Variants in SUPT20H observed in about 807,000 individuals in gnomAD.
The protein encoded by SUPT20H is transcription factor SPT20 homolog.
SUPT20H carries 82 observed loss-of-function variants against 122.8 expected under a neutral mutation model. The observed-to-expected ratio is 0.67, with a 90% CI of 0.56 to 0.80. The LOEUF (loss-of-function observed/expected upper bound fraction) is 0.80. Among genes scored for constraint, SUPT20H ranks in the 30% least tolerant of loss-of-function variants. SUPT20H has a pLI of 0.00. For missense variants in SUPT20H, 831 were observed against 921.6 expected, an observed-to-expected ratio of 0.90 and a Z score of 1.27; for synonymous variants, 291 against 313.0, an observed-to-expected ratio of 0.93 and a Z score of 0.74.
intron 10 of SUPT20H, 107 bp downstream of exon 10, chr13:37,033,342 C>G: frequency 7.2e-7 from 1 of 1,389,180 alleles, no homozygotes; most frequent in Non-Finnish European, 9.7e-7. Context: ...CTCTACCCTT[C>G]CCCACCAAAA....
chr13:37,036,327 G>GTTT (rs35437054), intron 9 of SUPT20H, among the ~76,000 whole-genome samples: 1 of 126,340 alleles, frequency 7.9e-6, no homozygotes, highest in Non-Finnish European at 1.8e-5. Context: ...TTAAACTGGA[G>GTTT]TTTTTTTTTT....
chr13:37,017,022 T>C (rs1011219302), intron 23 of SUPT20H, among the ~76,000 whole-genome samples: 2 of 152,202 alleles, frequency 1.3e-5, no homozygotes, highest in African/African-American at 4.8e-5. Context: ...AAGCCATTTA[T>C]CTGGATCTCA....
In SUPT20H at chr13:37,025,359, T is replaced by C; in HGVS notation, c.1290A>G (p.Ser430=). ...CTGGAGAAACCTGACTCAGACTGGC[T>C]GAGCCACTGGAGCTGTGTGACATCT... ...PVKMSHSSSG[S]ASLSQVSPGK... Residue 430 remains serine (S), a synonymous_variant, in exon 17 of 26, where the codon TCA becomes TCG. Coordinates refer to ENST00000350612, the MANE Select transcript of SUPT20H (RefSeq NM_001014286.3). 1 of 1,614,044 alleles carries C rather than the reference T, an allele frequency of 6.2e-7. No individual in the cohort carries two copies. The highest frequency in any genetic ancestry group is 8.5e-7 in the Non-Finnish European group (1 of 1,179,900).
intron 17 of SUPT20H, chr13:37,024,926 C>A: frequency 5.3e-6 from 1 of 190,252 alleles, no homozygotes; most frequent in South Asian, 8.9e-5. Flanking sequence ...AAACTGTACC[C>A]CCGCTCCTCA....
At chr13:37,014,376 T>G (rs750745637) in intron 23 of SUPT20H, among the ~76,000 whole-genome samples, 1 of 152,110 alleles carries the variant, frequency 6.6e-6, no homozygotes, top group African/African-American at 2.4e-5. Context: ...ACCTGAATGA[T>G]GCCATCAAAT....
At chr13:37,031,511 G>T (rs1451026412) in intron 12 of SUPT20H, 56 bp downstream of exon 12, 2 of 1,216,916 alleles carry the variant, frequency 1.6e-6, no homozygotes, top group South Asian at 1.8e-5. Context: ...ATAAGCAACC[G>T]AATAGTAAAA....
Position 37,028,137 on chromosome 13 carries a change from A to G in SUPT20H, c.1151+11T>C. On this transcript the variant is annotated intron_variant, in intron 14 of 25. Coordinates refer to ENST00000350612, the MANE Select transcript of SUPT20H (RefSeq NM_001014286.3). ...TTTTTTTTCCAGTTACTTGTATTTAACAGAACTCACTGTGATGGAGACATC... is the reference window on the plus strand; with the variant it reads ...TTTTTTTTCCAGTTACTTGTATTTAGCAGAACTCACTGTGATGGAGACATC... The G allele has an allele frequency of 1.9e-6, 3 of 1,577,012 alleles. No homozygotes were observed. Among genetic ancestry groups the G allele is most frequent in the Non-Finnish European group, 2.6e-6 (3 of 1,166,554 alleles).
chr13:37,048,252 T>C (rs527757456), intron 3 of SUPT20H, among the ~76,000 whole-genome samples: 1 of 152,308 alleles, frequency 6.6e-6, no homozygotes, highest in African/African-American at 2.4e-5. Context: ...AAAAATTGTA[T>C]ACTGTATACC....
At chr13:37,036,716 A>G (rs1438633664) in intron 9 of SUPT20H, among the ~76,000 whole-genome samples, 1 of 152,040 alleles carries the variant, frequency 6.6e-6, no homozygotes, top group African/African-American at 2.4e-5. Context: ...AGACAGCAAG[A>G]TGAACTTTTC....
At chr13:37,035,642 C>A (rs530731165) in intron 9 of SUPT20H, among the ~76,000 whole-genome samples, 1 of 151,894 alleles carries the variant, frequency 6.6e-6, no homozygotes, top group Non-Finnish European at 1.5e-5. Flanking sequence ...AATTGCTACT[C>A]GGCCTAAGCC....
Position 37,009,657 on chromosome 13 carries a change from A to G in SUPT20H, c.*15T>C, listed in dbSNP as rs2059236581. On this transcript the variant is annotated 3_prime_UTR_variant, in exon 26 of 26. Transcript: ENST00000350612. ...TCTTGTGTTTTTAAAAAAGGAACAA[A>G]AAGTAATGCAAGACTCAAAATTTTG... 6.2e-7 allele frequency: 1 copy of G among 1,612,602 alleles called. No individual in the cohort carries two copies. Among genetic ancestry groups the G allele is most frequent in the South Asian group, 1.1e-5 (1 of 90,630 alleles).
intron 7 of SUPT20H, among the ~76,000 whole-genome samples, chr13:37,042,000 T>C (rs961159848): frequency 2.0e-5 from 3 of 152,082 alleles, no homozygotes; most frequent in African/African-American, 7.2e-5. Flanking sequence ...GGGAATAACA[T>C]ATGAGAAGTT....
chr13:37,021,276 A>T (rs1435834669), intron 21 of SUPT20H, among the ~76,000 whole-genome samples, 172 bp downstream of exon 21: 1 of 152,240 alleles, frequency 6.6e-6, no homozygotes, highest in African/African-American at 2.4e-5. Context: ...CTGCTAGAAG[A>T]CTTTTAATTC....
chr13:37,048,196 T>C (rs529723551), intron 3 of SUPT20H, among the ~76,000 whole-genome samples: 2 of 152,282 alleles, frequency 1.3e-5, no homozygotes, highest in South Asian at 4.1e-4. Flanking sequence ...AGGTCAGAAA[T>C]ATTATCAATA....
chr13:37,054,802 A>C (rs2068567394), intron 1 of SUPT20H, among the ~76,000 whole-genome samples: 1 of 152,188 alleles, frequency 6.6e-6, no homozygotes, highest in Non-Finnish European at 1.5e-5. Flanking sequence ...AAGGGTATTC[A>C]ATTAGGAAAA....
At chr13:37,042,801 A>G (rs1191097719) in intron 7 of SUPT20H, among the ~76,000 whole-genome samples, 2 of 152,212 alleles carry the variant, frequency 1.3e-5, no homozygotes, top group Non-Finnish European at 2.9e-5. Context: ...TGTCAAGAGT[A>G]ACAAGAGCAG....
At chr13:37,020,721 A>C (rs769790664) in intron 21 of SUPT20H, among the ~76,000 whole-genome samples, 5 of 152,184 alleles carry the variant, frequency 3.3e-5, no homozygotes, top group Non-Finnish European at 7.4e-5. Context: ...GAAAGTTTTT[A>C]ATAAATTTTT....
Position 37,022,294 on chromosome 13 carries a change from T to C in SUPT20H, c.1592-214A>G. 7.0e-7 allele frequency: 1 copy of C among 1,422,060 alleles called. No individual in the cohort carries two copies. The highest frequency in any genetic ancestry group is 1.6e-5 in the South Asian group (1 of 63,738). 88.1% of individuals were successfully genotyped at this position (1,422,060 alleles called of 1,614,324 possible). On this transcript the variant is annotated intron_variant, in intron 19 of 25. Coordinates refer to ENST00000350612, the MANE Select transcript of SUPT20H (RefSeq NM_001014286.3). The surrounding 1 kb of genome is among the most constrained non-coding windows in gnomAD (Gnocchi z 4.5). ...GTCGATGAAGGGGTTGGTGTAGGAG[T>C]AGATGGCTTAGGAGTTCCAGATCCT... is the stretch of plus-strand genomic sequence containing the variant.
intron 1 of SUPT20H, among the ~76,000 whole-genome samples, chr13:37,055,584 A>G (rs940560010): frequency 2.0e-5 from 3 of 152,234 alleles, no homozygotes; most frequent in Admixed American, 1.3e-4. Context: ...CTGAAACTGG[A>G]TCCCTTCCTT....
Sources: allele counts gnomAD v4.1 joint callset (sites outside exome capture counted in the v4.1 genomes callset), GRCh38; gene constraint gnomAD v4.1.1; non-coding constraint Gnocchi (gnomAD v3.1); transcripts MANE v1.5; gene names NCBI Gene and HGNC (gene_info 2026-07-23, HGNC 2026-07-21).